ABCB10: variants seen among roughly 807,000 people sequenced by gnomAD.
ABCB10 encodes ATP binding cassette subfamily B member 10.
ABCB10 carries 54 observed loss-of-function variants against 65.4 expected under a neutral mutation model. The observed-to-expected ratio is 0.83, with a 90% CI of 0.66 to 1.04. ABCB10 has a LOEUF of 1.04. Among genes scored for constraint, ABCB10 ranks in the 50% least tolerant of loss-of-function variants. The pLI is 0.00. For synonymous variants in ABCB10, 418 were observed against 406.5 expected, an observed-to-expected ratio of 1.03 and a Z score of -0.34; for missense variants, 846 against 976.6, an observed-to-expected ratio of 0.87 and a Z score of 1.78.
At chr1:229,522,376 T>G (rs1662336117) in intron 10 of ABCB10, among the ~76,000 whole-genome samples, 1 of 151,284 alleles carries the variant, frequency 6.6e-6, no homozygotes, top group Non-Finnish European at 1.5e-5. Context: ...CTGGCTAATT[T>G]TTAAAATTTT....
chr1:229,516,997 A>G lies in ABCB10; in HGVS notation c.*1182T>C, dbSNP rs558598272. On this transcript the variant is annotated 3_prime_UTR_variant, in exon 13 of 13. Transcript: ENST00000344517. Reference sequence around the variant, plus strand: ...CCATTTGATTTACATTGACTTAATTACTTCTTAGGGTCTAGCCTCATCCAT... The same window carrying G: ...CCATTTGATTTACATTGACTTAATTGCTTCTTAGGGTCTAGCCTCATCCAT... 6.6e-6 allele frequency: 1 copy of G among 152,318 alleles called. No individual in the cohort carries two copies. Among genetic ancestry groups the G allele is most frequent in the South Asian group, 2.1e-4 (1 of 4,832 alleles). The allele number at this position is 152,318 out of a possible 1,614,324, so 9.4% of individuals were successfully genotyped here.
At chr1:229,522,855 T>C (rs565274303) in intron 10 of ABCB10, among the ~76,000 whole-genome samples, 2 of 152,162 alleles carry the variant, frequency 1.3e-5, no homozygotes, top group Admixed American at 6.5e-5. Context: ...GCAATTCTTT[T>C]TTTATTTTTT....
chr1:229,549,852 A>T (rs1663064142), intron 1 of ABCB10: 1 of 192,516 alleles, frequency 5.2e-6, no homozygotes, highest in Non-Finnish European at 1.1e-5. Flanking sequence ...TAACTTGAAG[A>T]TCAAGCTGTC....
At chr1:229,527,063 G>C (rs1304463825) in intron 9 of ABCB10, among the ~76,000 whole-genome samples, 166 bp downstream of exon 9, 1 of 151,646 alleles carries the variant, frequency 6.6e-6, no homozygotes, top group African/African-American at 2.4e-5. Flanking sequence ...TCAGGAAACA[G>C]CGCTACTTGC....
At chr1:229,531,819 C>T in intron 6 of ABCB10, 88 bp from the exon 7 acceptor site, 3 of 1,003,564 alleles carry the variant, frequency 3.0e-6, no homozygotes, top group Middle Eastern at 2.2e-4. Flanking sequence ...ACAATGATTG[C>T]TTTTAATATA....
chr1:229,547,360 G>C (rs767209081), intron 3 of ABCB10, 139 bp downstream of exon 3: 5 of 888,436 alleles, frequency 5.6e-6, no homozygotes, highest in Non-Finnish European at 5.1e-6. Flanking sequence ...CGTTCCAGCA[G>C]CTTCTGCAAC....
chr1:229,549,499 A>G (rs754882241), intron 1 of ABCB10, 65 bp from the exon 2 acceptor site: 1 of 1,475,388 alleles, frequency 6.8e-7, no homozygotes, highest in Non-Finnish European at 9.3e-7. Flanking sequence ...TGCTGAGTCC[A>G]GGAGGCTTCC....
chr1:229,518,548 C>T (rs1662231362), intron 12 of ABCB10, 138 bp from the exon 13 acceptor site: 1 of 726,272 alleles, frequency 1.4e-6, no homozygotes, highest in Non-Finnish European at 2.3e-6. Flanking sequence ...TTCTGATCTC[C>T]ATAAAACTAT....
At chr1:229,525,126 A>AT (rs1034971085) in intron 10 of ABCB10, among the ~76,000 whole-genome samples, 24 of 152,078 alleles carry the variant, frequency 1.6e-4, no homozygotes, top group African/African-American at 5.6e-4. Context: ...AAGTGCTGGG[A>AT]TTACAGGTGT....
chr1:229,541,957 A>AGGTACATG (rs1662858490), intron 4 of ABCB10, among the ~76,000 whole-genome samples: 1 of 151,198 alleles, frequency 6.6e-6, no homozygotes, highest in African/African-American at 2.5e-5. Context: ...GTCTCAAAAA[A>AGGTACATG]AAAAAACAAA....
In ABCB10 at chr1:229,525,987, A is replaced by T. The variant is rs1662431939; in HGVS notation, c.1855T>A (p.Phe619Ile). 1 of 1,614,102 alleles carries T rather than the reference A, an allele frequency of 6.2e-7. No individual in the cohort carries two copies. The highest frequency in any genetic ancestry group is 1.3e-5 in the African/African-American group (1 of 74,924). ...VANAVAFIRNFPQGFNTVVGE... is the reference protein window; with the variant it reads ...VANAVAFIRNIPQGFNTVVGE... ...ACCACAGTGTTGAACCCTTGGGGGA[A>T]ATTCCGGATGAAGGCCACTGCATTG... is the stretch of plus-strand genomic sequence containing the variant. Residue 619 changes from phenylalanine to isoleucine, a missense_variant, in exon 10 of 13, where the codon TTC becomes ATC. Coordinates refer to ENST00000344517, the MANE Select transcript of ABCB10 (RefSeq NM_012089.3).
intron 5 of ABCB10, 33 bp downstream of exon 5, chr1:229,540,573 C>G: frequency 3.2e-6 from 5 of 1,576,842 alleles, no homozygotes; most frequent in Non-Finnish European, 4.3e-6. Context: ...CTAACATTTG[C>G]CAATTTTACT....
Position 229,549,281 on chromosome 1 carries a change from C to A in ABCB10, c.671G>T (p.Cys224Phe). ...LCLGLSAVFL[C>F]GAAANAIRVY... ...ACGAATGGCATTGGCGGCAGCACCA[C>A]ACAGAAACACGGCACTGAGCCCTAG... Residue 224 changes from cysteine to phenylalanine, a missense_variant, in exon 2 of 13, where the codon TGT becomes TTT. This residue lies in a region of ABCB10 where 632 missense variants were observed against 803.2 expected (regional missense o/e 0.79). Transcript: ENST00000344517. 1.2e-6 allele frequency: 2 copies of A among 1,614,156 alleles called. No individual in the cohort carries two copies. Among genetic ancestry groups the A allele is most frequent in the African/African-American group, 2.7e-5 (2 of 75,026 alleles).
At chr1:229,543,597 C>T (rs972842516) in intron 3 of ABCB10, among the ~76,000 whole-genome samples, 1 of 152,158 alleles carries the variant, frequency 6.6e-6, no homozygotes, top group Admixed American at 6.5e-5. Flanking sequence ...TTCCAGGCAC[C>T]TGGGAGATAA....
chr1:229,539,033 C>T (rs1352356158), intron 6 of ABCB10, among the ~76,000 whole-genome samples: 2 of 152,252 alleles, frequency 1.3e-5, no homozygotes, highest in East Asian at 1.9e-4. Context: ...TGAATATGGT[C>T]GACTTTGTGC....
At chr1:229,532,349 G>A (rs767083220) in intron 6 of ABCB10, among the ~76,000 whole-genome samples, 41 of 152,120 alleles carry the variant, frequency 2.7e-4, no homozygotes, top group African/African-American at 7.2e-4. Context: ...TCATAATGCC[G>A]CAGAGGAAAT....
chr1:229,539,519 T>C lies in ABCB10; in HGVS notation c.1276A>G (p.Met426Val), dbSNP rs1662793048. The C allele has an allele frequency of 1.2e-6, 2 of 1,614,010 alleles. No individual in the cohort carries two copies. Among genetic ancestry groups the C allele is most frequent in the Non-Finnish European group, 1.7e-6 (2 of 1,179,882 alleles). Residue 426 changes from methionine to valine, a missense_variant, in exon 6 of 13, where the codon ATG becomes GTG. By Grantham distance (21) the Met-to-Val change is conservative. Coordinates refer to ENST00000344517, the MANE Select transcript of ABCB10 (RefSeq NM_012089.3). ...KGGLLMGSAHMTVGELSSFLM... is the reference protein window; with the variant it reads ...KGGLLMGSAHVTVGELSSFLM... ...AAGGAAGAGAGTTCACCCACGGTCA[T>C]GTGGGCACTGCCCATCAGCAGCCCT...
intron 1 of ABCB10, among the ~76,000 whole-genome samples, chr1:229,553,906 A>G (rs1663180127): frequency 1.3e-5 from 2 of 152,104 alleles, no homozygotes; most frequent in Admixed American, 1.3e-4. Flanking sequence ...TAAACTACAC[A>G]CATATTCAAA....
At chr1:229,527,975 C>T (rs1662484351) in intron 8 of ABCB10, among the ~76,000 whole-genome samples, 1 of 152,152 alleles carries the variant, frequency 6.6e-6, no homozygotes. Context: ...TGGTCGATAC[C>T]ATGGCAGAGC....
Sources: allele counts gnomAD v4.1 joint callset (sites outside exome capture counted in the v4.1 genomes callset), GRCh38; gene constraint gnomAD v4.1.1; regional missense constraint gnomAD v4.1.1; transcripts MANE v1.5; gene names NCBI Gene and HGNC (gene_info 2026-07-23, HGNC 2026-07-21).